Variants in EML4 observed in about 807,000 individuals in gnomAD.
EML4 encodes the protein echinoderm microtubule-associated protein-like 4.
A neutral mutation model predicts 129.0 loss-of-function variants in EML4; 72 were observed. The observed-to-expected ratio is 0.56, with a 90% confidence interval of 0.46 to 0.68. The LOEUF (loss-of-function observed/expected upper bound fraction) is 0.68, where lower values mean the gene tolerates loss of function less well. Among genes scored for constraint, EML4 ranks in the 30% least tolerant of loss-of-function variants. EML4 has a pLI of 0.00. For missense variants in EML4, 1,363 were observed against 1,190.6 expected (o/e 1.14, Z -2.13); for synonymous variants, 532 against 405.0 (o/e 1.31, Z -3.77).
intron 1 of EML4, among the ~76,000 whole-genome samples, chr2:42,226,611 C>T (rs1275263745): frequency 2.0e-5 from 3 of 151,736 alleles, no homozygotes; most frequent in African/African-American, 4.8e-5. Context: ...GAGGTGAGAT[C>T]GTGCCATTGC....
At chr2:42,235,528 A>G (rs528772262) in intron 1 of EML4, among the ~76,000 whole-genome samples, 7 of 152,242 alleles carry the variant, frequency 4.6e-5, no homozygotes, top group Non-Finnish European at 8.8e-5. Context: ...CATGGTCTTC[A>G]CTCAACGTTA....
At chr2:42,290,318 A>T (rs1018795215) in intron 11 of EML4, among the ~76,000 whole-genome samples, 1 of 152,114 alleles carries the variant, frequency 6.6e-6, no homozygotes, top group African/African-American at 2.4e-5. Context: ...GGATTTGGGG[A>T]GTTGATATAT....
chr2:42,187,210 AT>A (rs1004750286), intron 1 of EML4, among the ~76,000 whole-genome samples: 14 of 147,334 alleles, frequency 9.5e-5, no homozygotes, highest in Non-Finnish European at 9.0e-5. Flanking sequence ...TGCCCGGCTA[AT>A]TTTTTTTTTT....
At chr2:42,324,240 A>G (rs893590954) in intron 19 of EML4, among the ~76,000 whole-genome samples, 4 of 152,192 alleles carry the variant, frequency 2.6e-5, no homozygotes, top group African/African-American at 9.6e-5. Context: ...GATTGCAGTG[A>G]GCTGAGATTG....
At chr2:42,197,419 A>C (rs543554666) in intron 1 of EML4, among the ~76,000 whole-genome samples, 26 of 152,230 alleles carry the variant, frequency 1.7e-4, no homozygotes, top group African/African-American at 5.8e-4. Flanking sequence ...ACCCCCCAAA[A>C]AGATAGATAT....
intron 19 of EML4, among the ~76,000 whole-genome samples, chr2:42,323,958 G>T (rs1025126765): frequency 2.8e-5 from 4 of 144,114 alleles, no homozygotes; most frequent in South Asian, 2.3e-4. Flanking sequence ...AAAAAAAAAA[G>T]AAAAGAAAAA....
intron 2 of EML4, among the ~76,000 whole-genome samples, chr2:42,253,991 A>G (rs1675960424): frequency 6.6e-6 from 1 of 152,270 alleles, no homozygotes; most frequent in African/African-American, 2.4e-5. Context: ...ATAGAATAAG[A>G]GAAAATATTT....
At chr2:42,208,424 A>T (rs1482405782) in intron 1 of EML4, among the ~76,000 whole-genome samples, 1 of 150,300 alleles carries the variant, frequency 6.7e-6, no homozygotes, top group East Asian at 1.9e-4. Flanking sequence ...CTACTCCTTT[A>T]ATTTTTTTTC....
At chr2:42,252,378 C>A (rs1020838713) in intron 2 of EML4, among the ~76,000 whole-genome samples, 3 of 152,060 alleles carry the variant, frequency 2.0e-5, no homozygotes, top group Admixed American at 2.0e-4. Context: ...TTAAAACTTC[C>A]TTCACTTTTT....
At chr2:42,328,858 T>C in intron 21 of EML4, 28 bp from the exon 22 acceptor site, 1 of 1,560,032 alleles carries the variant, frequency 6.4e-7, no homozygotes, top group Non-Finnish European at 8.7e-7. Flanking sequence ...AGCTAATTTT[T>C]CTGCATCCCT....
At chr2:42,172,604 T>A (rs6544510) in intron 1 of EML4, among the ~76,000 whole-genome samples, 3,487 of 152,274 alleles carry the variant, frequency 0.023, 121 homozygotes, top group African/African-American at 0.08. Flanking sequence ...ATTATTAATA[T>A]ATCTTTTAAT....
chr2:42,276,530 T>A (rs1666667962), intron 6 of EML4, among the ~76,000 whole-genome samples: 1 of 152,210 alleles, frequency 6.6e-6, no homozygotes, highest in African/African-American at 2.4e-5. Context: ...GACAGTCACT[T>A]TAAAGCTTAT....
intron 1 of EML4, among the ~76,000 whole-genome samples, chr2:42,220,451 G>A (rs1406622845): frequency 6.6e-6 from 1 of 151,866 alleles, no homozygotes; most frequent in Non-Finnish European, 1.5e-5. Context: ...AATTGTTTTG[G>A]AGTGCCATGA....
At chr2:42,198,861 T>G (rs920664963) in intron 1 of EML4, among the ~76,000 whole-genome samples, 3 of 152,210 alleles carry the variant, frequency 2.0e-5, no homozygotes, top group African/African-American at 7.2e-5. Context: ...CTCTCTGCAG[T>G]ACCCAGCAGC....
chr2:42,324,396 G>A (rs538891945), intron 19 of EML4, among the ~76,000 whole-genome samples: 3 of 152,296 alleles, frequency 2.0e-5, no homozygotes, highest in Admixed American at 1.3e-4. Flanking sequence ...CTGGAGGATC[G>A]CTTGAGCCTG....
chr2:42,193,818 TGGGACTACAGGCATGCACCACCATACCCA>T (rs1671741871), intron 1 of EML4, among the ~76,000 whole-genome samples: 1 of 152,142 alleles, frequency 6.6e-6, no homozygotes, highest in East Asian at 1.9e-4. Flanking sequence ...CCTGGGTAGC[TGGGACTACAGGCATGCACCACCATACCCA>T]GCTAGTATCT....
Position 42,169,448 on chromosome 2 carries a change from C to T in EML4, c.-164C>T. Reference sequence around the variant, plus strand: ...GGGGAAGTGGTTCGGGCGGCCGCGGCTTACTACCCCAGGGCGAACGGACGG... The same window carrying T: ...GGGGAAGTGGTTCGGGCGGCCGCGGTTTACTACCCCAGGGCGAACGGACGG... On this transcript the variant is annotated 5_prime_UTR_variant, in exon 1 of 23. Coordinates refer to ENST00000318522, the MANE Select transcript of EML4 (RefSeq NM_019063.5). 1 of 688,286 alleles carries T rather than the reference C, an allele frequency of 1.5e-6. No homozygotes were observed. The highest frequency in any genetic ancestry group is 3.6e-5 in the Admixed American group (1 of 27,604). The allele number at this position is 688,286 out of a possible 1,614,324, so 42.6% of individuals were successfully genotyped here. A position where few individuals can be genotyped will look rare whatever the true frequency, so the allele number is the denominator to read the frequency against.
At chr2:42,271,130 G>C (rs779865534) in intron 6 of EML4, among the ~76,000 whole-genome samples, 3 of 152,184 alleles carry the variant, frequency 2.0e-5, no homozygotes, top group Non-Finnish European at 4.4e-5. Flanking sequence ...CTGGGCTCAA[G>C]TGATCCGTCT....
intron 7 of EML4, among the ~76,000 whole-genome samples, chr2:42,281,176 A>C (rs541032656): frequency 6.6e-6 from 1 of 152,178 alleles, no homozygotes; most frequent in South Asian, 2.1e-4. Flanking sequence ...GGCGGATCAC[A>C]AAGTCAGTAG....
Sources: gnomAD v4.1 joint callset for allele counts (sites outside exome capture counted in the v4.1 genomes callset) on GRCh38, gnomAD v4.1.1 for gene constraint, MANE v1.5 for transcripts, NCBI Gene and HGNC (gene_info 2026-07-23, HGNC 2026-07-21) for gene names.